THNSL1: variants seen among roughly 807,000 people sequenced by gnomAD.
THNSL1 encodes the protein threonine synthase like 1.
In THNSL1, 48 loss-of-function variants were observed where a neutral mutation model predicts 50.4. That is an observed-to-expected ratio of 0.95 (90% CI 0.76 to 1.21). The LOEUF is 1.21. Among genes scored for constraint, THNSL1 ranks in the 50% most tolerant of loss-of-function variants. The pLI, the probability that THNSL1 is intolerant of heterozygous loss-of-function variation, is 0.00. For synonymous variants in THNSL1, 309 were observed against 306.1 expected (o/e 1.01, Z -0.10); for missense variants, 896 against 871.7 (o/e 1.03, Z -0.35).
chr10:25,010,834 C>T, the THNSL1 span, among the ~76,000 whole-genome samples: 1 of 151,016 alleles, frequency 6.6e-6, no homozygotes, highest in African/African-American at 2.4e-5. Context: ...TTTCTTAGTC[C>T]AGTCTATCAT....
At chr10:25,012,590 A>G (rs749578263), upstream of THNSL1, among the ~76,000 whole-genome samples, 10 of 152,208 alleles carry the variant, frequency 6.6e-5, no homozygotes, top group Non-Finnish European at 1.5e-4. Context: ...TGACTGCCCT[A>G]TTAGAATCTG....
upstream of THNSL1, among the ~76,000 whole-genome samples, chr10:25,014,818 C>T (rs902857524): frequency 6.6e-6 from 1 of 152,150 alleles, no homozygotes; most frequent in Non-Finnish European, 1.5e-5. Context: ...CTAATTTAAA[C>T]CAGATACTTA....
At position 25,024,107 on chromosome 10, in the gene THNSL1, T is replaced by C. The variant is rs1448912726; in HGVS notation, c.884T>C (p.Leu295Pro). Residue 295 changes from leucine (L) to proline (P), a missense_variant, in exon 3 of 3, where the codon CTG (leucine) becomes CCG (proline). Physicochemically the swap from Leu to Pro is moderately conservative, Grantham distance 98 (BLOSUM62 -3). Coordinates refer to ENST00000376356, the MANE Select transcript of THNSL1 (RefSeq NM_024838.5). ...ACCTACGTAGAAAGAGCACAGATAC[T>C]GTTGGAAAGATGTATCCATCCTGCA... The part of the protein sequence containing the change: ...GATYVERAQI[L>P]LERCIHPADI... The C allele has an allele frequency of 2.5e-6, 4 of 1,614,062 alleles. No homozygotes were observed. The highest frequency in any genetic ancestry group is 3.4e-6 in the Non-Finnish European group (4 of 1,180,032).
At chr10:25,007,643 C>G in the THNSL1 span, among the ~76,000 whole-genome samples, 1 of 152,104 alleles carries the variant, frequency 6.6e-6, no homozygotes, top group Non-Finnish European at 1.5e-5. Context: ...ACCATGTTAG[C>G]CAGGATGTTC....
chr10:24,973,309 C>T, the THNSL1 span, among the ~76,000 whole-genome samples: 1 of 151,664 alleles, frequency 6.6e-6, no homozygotes, highest in Non-Finnish European at 1.5e-5. Flanking sequence ...ACAGCCTCGT[C>T]GACTAAGTGA....
intron 1 of THNSL1, among the ~76,000 whole-genome samples, chr10:25,017,291 C>T (rs1333042055): frequency 6.6e-6 from 1 of 152,164 alleles, no homozygotes; most frequent in Non-Finnish European, 1.5e-5. Flanking sequence ...TAAATCTATG[C>T]ACATGGGCCT....
the THNSL1 span, among the ~76,000 whole-genome samples, chr10:25,010,380 TA>T: frequency 2.0e-5 from 3 of 152,048 alleles, no homozygotes; most frequent in Admixed American, 2.0e-4. Context: ...GTGACTTGAG[TA>T]GTGTTAAAAG....
chr10:25,008,083 G>A, the THNSL1 span, among the ~76,000 whole-genome samples: 2 of 151,226 alleles, frequency 1.3e-5, no homozygotes, highest in Admixed American at 1.3e-4. Flanking sequence ...AAGTAGTCTT[G>A]TGGGTCTGTA....
upstream of THNSL1, among the ~76,000 whole-genome samples, chr10:25,014,378 A>T (rs985368920): frequency 4.6e-5 from 7 of 152,086 alleles, no homozygotes; most frequent in Non-Finnish European, 8.8e-5. Flanking sequence ...TCTTCTACTC[A>T]TTTCTTCATA....
chr10:25,012,958 G>A (rs942594647), upstream of THNSL1, among the ~76,000 whole-genome samples: 1 of 152,164 alleles, frequency 6.6e-6, no homozygotes, highest in African/African-American at 2.4e-5. Flanking sequence ...CATATGTCAT[G>A]GGAGGGATCT....
the THNSL1 span, among the ~76,000 whole-genome samples, chr10:25,006,377 A>G: frequency 6.6e-6 from 1 of 152,186 alleles, no homozygotes; most frequent in Non-Finnish European, 1.5e-5. Context: ...GTGGCAGCAC[A>G]CCGAGAACAT....
At chr10:24,977,006 C>A in the THNSL1 span, among the ~76,000 whole-genome samples, 1 of 152,192 alleles carries the variant, frequency 6.6e-6, no homozygotes, top group African/African-American at 2.4e-5. Flanking sequence ...CATAGCCCCT[C>A]TTCCATCCAG....
At chr10:25,012,062 A>G (rs947671521), upstream of THNSL1, among the ~76,000 whole-genome samples, 2 of 152,244 alleles carry the variant, frequency 1.3e-5, no homozygotes, top group African/African-American at 4.8e-5. Context: ...GGGACAACGT[A>G]GAGCTCAGGC....
At chr10:25,019,587 T>C (rs551760229) in intron 1 of THNSL1, among the ~76,000 whole-genome samples, 90 of 152,338 alleles carry the variant, frequency 5.9e-4, no homozygotes, top group African/African-American at 2.1e-3. Flanking sequence ...TATTATAAGT[T>C]ATTCAGAGAT....
At chr10:24,998,778 C>G in the THNSL1 span, among the ~76,000 whole-genome samples, 2 of 151,718 alleles carry the variant, frequency 1.3e-5, no homozygotes, top group African/African-American at 4.8e-5. Context: ...TTTTGAGGCC[C>G]AGTAAAAAAT....
rs191499736 is a variant in THNSL1, at chr10:25,026,556, G to A, written c.*1101G>A. ...CTGGCAGCTGAAACTGCACACAACTGATACACATATTTAATTTGTATTCCT... is the reference window on the plus strand; with the variant it reads ...CTGGCAGCTGAAACTGCACACAACTAATACACATATTTAATTTGTATTCCT... On this transcript the variant is annotated 3_prime_UTR_variant, in exon 3 of 3. Transcript: ENST00000376356. 4 of 166,688 alleles carry A rather than the reference G, an allele frequency of 2.4e-5. No homozygotes were observed. In the Admixed American group the frequency reaches 2.6e-4, roughly 11 times the overall value. 10.3% of individuals were successfully genotyped at this position (166,688 alleles called of 1,614,324 possible). A position where few individuals can be genotyped will look rare whatever the true frequency, so the allele number is the denominator to read the frequency against.
At chr10:25,007,596 G>C in the THNSL1 span, among the ~76,000 whole-genome samples, 6 of 151,972 alleles carry the variant, frequency 3.9e-5, no homozygotes, top group Admixed American at 1.3e-4. Context: ...CACCACACCC[G>C]GGTAATTTTT....
Position 25,023,297 on chromosome 10 carries a change from C to G in THNSL1, c.74C>G (p.Thr25Arg). The change falls in exon 3 of 3, where the codon ACG becomes AGG. Residue 25 changes from threonine (T) to arginine (R), a missense_variant. Transcript: ENST00000376356. ...QKCFSSIHVK[T>R]DKHAQRFLSR... is the part of the protein sequence containing the mutation. ...TGTTTTTCTAGTATACATGTTAAAA[C>G]GGATAAACATGCACAGCGATTTCTT... 1 of 1,614,056 alleles carries G rather than the reference C, an allele frequency of 6.2e-7. No homozygotes were observed.
At chr10:25,000,568 C>T in the THNSL1 span, among the ~76,000 whole-genome samples, 3 of 152,220 alleles carry the variant, frequency 2.0e-5, no homozygotes, top group African/African-American at 7.2e-5. Context: ...TAAAATAACA[C>T]TCTATTCCTT....
Sources: allele counts gnomAD v4.1 joint callset (sites outside exome capture counted in the v4.1 genomes callset), GRCh38; gene constraint gnomAD v4.1.1; transcripts MANE v1.5; gene names NCBI Gene and HGNC (gene_info 2026-07-23, HGNC 2026-07-21).